Variants in PPARGC1A observed in about 807,000 individuals in gnomAD.
PPARGC1A encodes peroxisome proliferator-activated receptor gamma coactivator 1-alpha.
In PPARGC1A, 25 loss-of-function variants were observed where a neutral mutation model predicts 88.7. That is an observed-to-expected ratio of 0.28 (90% CI 0.21 to 0.39). The LOEUF is 0.39. Ranked by LOEUF, PPARGC1A falls within the 10% of genes least tolerant of loss-of-function variation. PPARGC1A has a pLI of 1.00. For missense variants in PPARGC1A, 880 were observed against 968.7 expected, an observed-to-expected ratio of 0.91 and a Z score of 1.22; for synonymous variants, 363 against 355.6, an observed-to-expected ratio of 1.02 and a Z score of -0.24.
At chr4:24,387,876 G>GAAAGAA in the PPARGC1A span, among the ~76,000 whole-genome samples, 37 of 88,582 alleles carry the variant, frequency 4.2e-4, no homozygotes, top group Middle Eastern at 4.7e-3. Context: ...AAGGAAGAAA[G>GAAAGAA]AGAAAGAAAG....
the PPARGC1A span, among the ~76,000 whole-genome samples, chr4:24,321,906 T>C: frequency 8.5e-5 from 13 of 152,162 alleles, no homozygotes; most frequent in Non-Finnish European, 1.8e-4. Context: ...CTGGACTTGT[T>C]CGTAAAAAAG....
chr4:24,023,853 AG>A, the PPARGC1A span, among the ~76,000 whole-genome samples: 2 of 152,214 alleles, frequency 1.3e-5, no homozygotes, highest in African/African-American at 4.8e-5. Context: ...GAAAAACATG[AG>A]GGCTGATCAG....
chr4:24,453,473 G>A, the PPARGC1A span, among the ~76,000 whole-genome samples: 13 of 152,198 alleles, frequency 8.5e-5, no homozygotes, highest in Admixed American at 8.5e-4. Flanking sequence ...AGTTATGGGT[G>A]TAGTAAATTA....
the PPARGC1A span, among the ~76,000 whole-genome samples, chr4:24,159,972 C>T: frequency 6.6e-6 from 1 of 152,180 alleles, no homozygotes; most frequent in Non-Finnish European, 1.5e-5. Flanking sequence ...CTGCCTAAGT[C>T]CTGACTAGTG....
chr4:24,362,350 C>CTGGA, the PPARGC1A span, among the ~76,000 whole-genome samples: 22,366 of 148,944 alleles, frequency 0.15, 1,740 homozygotes, highest in East Asian at 0.22. Context: ...GAACACATGA[C>CTGGA]TGGATGGATG....
chr4:23,818,353 T>A (rs963942545), intron 7 of PPARGC1A, among the ~76,000 whole-genome samples: 1 of 152,184 alleles, frequency 6.6e-6, no homozygotes, highest in Non-Finnish European at 1.5e-5. Flanking sequence ...TGCAGCTCGG[T>A]GCAGAATGTA....
the PPARGC1A span, among the ~76,000 whole-genome samples, chr4:24,151,495 C>T: frequency 2.1e-4 from 32 of 152,106 alleles, no homozygotes; most frequent in Non-Finnish European, 3.8e-4. Flanking sequence ...ACCATCACAC[C>T]GGGGGTTAGG....
At chr4:24,019,441 C>G in the PPARGC1A span, among the ~76,000 whole-genome samples, 2 of 152,290 alleles carry the variant, frequency 1.3e-5, no homozygotes, top group African/African-American at 2.4e-5. Flanking sequence ...ATTTCTAGAT[C>G]TCCAAGACCT....
At chr4:24,225,426 G>A in the PPARGC1A span, among the ~76,000 whole-genome samples, 3 of 151,962 alleles carry the variant, frequency 2.0e-5, no homozygotes, top group East Asian at 1.9e-4. Flanking sequence ...AAAATTAGCC[G>A]GGCGTGGTGG....
At chr4:23,872,381 G>A (rs780666916) in intron 2 of PPARGC1A, among the ~76,000 whole-genome samples, 72 of 152,258 alleles carry the variant, frequency 4.7e-4, no homozygotes, top group Non-Finnish European at 8.8e-4. Flanking sequence ...TATACTGTGT[G>A]TAGGACATCA....
intron 7 of PPARGC1A, among the ~76,000 whole-genome samples, chr4:23,816,661 C>A (rs1212191577): frequency 6.6e-6 from 1 of 152,108 alleles, no homozygotes; most frequent in East Asian, 1.9e-4. Flanking sequence ...ATGACATAGC[C>A]CTTGAATTGG....
the PPARGC1A span, among the ~76,000 whole-genome samples, chr4:24,257,222 C>G: frequency 6.6e-6 from 1 of 152,020 alleles, no homozygotes; most frequent in Non-Finnish European, 1.5e-5. Context: ...CAGGTGGAAC[C>G]CTTAGAACTG....
chr4:23,896,498 A>G (rs897831941), intron 1 of PPARGC1A, among the ~76,000 whole-genome samples: 6 of 152,186 alleles, frequency 3.9e-5, no homozygotes, highest in African/African-American at 1.2e-4. Context: ...TGCAAAGCTC[A>G]TGAGCAACAC....
the PPARGC1A span, among the ~76,000 whole-genome samples, chr4:24,142,276 C>T: frequency 6.6e-6 from 1 of 151,980 alleles, no homozygotes; most frequent in African/African-American, 2.4e-5. Flanking sequence ...AGATGAAACG[C>T]TAATAAATAA....
the PPARGC1A span, among the ~76,000 whole-genome samples, chr4:24,102,456 C>A: frequency 6.6e-6 from 1 of 152,190 alleles, no homozygotes; most frequent in Non-Finnish European, 1.5e-5. Context: ...AATTTGGGGA[C>A]AAGGGTCCTT....
In PPARGC1A at chr4:23,857,558, C is replaced by T. The variant is rs544148497; in HGVS notation, c.235-25807G>A. Among the ~76,000 whole-genome samples the T allele has an allele frequency of 7.8e-4, 118 of 151,428 alleles. 2 individuals are homozygous for T. Among genetic ancestry groups the T allele is most frequent in the Non-Finnish European group, 1.2e-3 (84 of 67,810 alleles). ...CCACTGTTTAGTTGGGAACAAGAAC[C>T]CCATTCTTTTACTTAATGTCAAACA... On this transcript the variant is annotated intron_variant, in intron 2 of 12. Transcript: ENST00000264867.
the PPARGC1A span, among the ~76,000 whole-genome samples, chr4:24,057,933 C>T: frequency 1.3e-5 from 2 of 152,124 alleles, no homozygotes; most frequent in Middle Eastern, 3.4e-3. Flanking sequence ...GCAGGGGGAA[C>T]GCATGTATGC....
At chr4:24,233,491 G>A in the PPARGC1A span, among the ~76,000 whole-genome samples, 2 of 151,796 alleles carry the variant, frequency 1.3e-5, no homozygotes, top group African/African-American at 4.8e-5. Flanking sequence ...GAAAAAGCTT[G>A]AATAGAGAAC....
At chr4:24,161,352 C>T in the PPARGC1A span, among the ~76,000 whole-genome samples, 1 of 152,168 alleles carries the variant, frequency 6.6e-6, no homozygotes, top group Non-Finnish European at 1.5e-5. Context: ...CAATTCATCC[C>T]TGCCTGCAAG....
Sources: gnomAD v4.1 joint callset for allele counts (sites outside exome capture counted in the v4.1 genomes callset) on GRCh38, gnomAD v4.1.1 for gene constraint, MANE v1.5 for transcripts, NCBI Gene and HGNC (gene_info 2026-07-23, HGNC 2026-07-21) for gene names.